Variants in NRXN1 observed in about 807,000 individuals in gnomAD.
NRXN1 encodes neurexin-1.
NRXN1 carries 39 observed loss-of-function variants against 150.9 expected under a neutral mutation model. The observed-to-expected ratio is 0.26, with a 90% CI of 0.20 to 0.34. The LOEUF is 0.34. Ranked by LOEUF, NRXN1 falls within the 10% of genes least tolerant of loss-of-function variation. The pLI, the probability that NRXN1 is intolerant of heterozygous loss-of-function variation, is 1.00. For synonymous variants in NRXN1, 924 were observed against 757.0 expected (o/e 1.22, Z -3.62); for missense variants, 1,815 against 1,949.9 (o/e 0.93, Z 1.30).
chr2:50,079,972 A>G (rs1573789129), intron 19 of NRXN1, among the ~76,000 whole-genome samples: 1 of 152,114 alleles, frequency 6.6e-6, no homozygotes, highest in African/African-American at 2.4e-5. Flanking sequence ...AATTCATGCC[A>G]TTTCAGTAAA....
At chr2:50,249,291 A>G (rs1324043988) in intron 17 of NRXN1, among the ~76,000 whole-genome samples, 1 of 152,130 alleles carries the variant, frequency 6.6e-6, no homozygotes, top group Admixed American at 6.6e-5. Flanking sequence ...ATGAGAGATC[A>G]CTTTTAGATT....
chr2:50,276,386 T>C (rs2070475070), intron 17 of NRXN1, among the ~76,000 whole-genome samples: 1 of 152,110 alleles, frequency 6.6e-6, no homozygotes, highest in African/African-American at 2.4e-5. Flanking sequence ...CATTAAAAGG[T>C]AGAGTTTCTG....
intron 18 of NRXN1, among the ~76,000 whole-genome samples, chr2:50,183,289 T>C (rs1289023146): frequency 1.3e-5 from 2 of 152,024 alleles, no homozygotes; most frequent in Non-Finnish European, 2.9e-5. Flanking sequence ...GAAAGTTAAT[T>C]TCAAAGGTTT....
At chr2:50,963,061 T>A (rs1034952062) in intron 2 of NRXN1, among the ~76,000 whole-genome samples, 1 of 151,650 alleles carries the variant, frequency 6.6e-6, no homozygotes, top group African/African-American at 2.4e-5. Flanking sequence ...TTCCTTCACA[T>A]TAAAAGTACA....
chr2:50,406,606 A>G (rs1236622028), intron 17 of NRXN1, among the ~76,000 whole-genome samples: 2 of 152,098 alleles, frequency 1.3e-5, no homozygotes, highest in Non-Finnish European at 2.9e-5. Flanking sequence ...GTGGAAAGAC[A>G]GAAAAGGAAG....
At chr2:50,649,550 T>G (rs535969829) in intron 5 of NRXN1, among the ~76,000 whole-genome samples, 1 of 151,976 alleles carries the variant, frequency 6.6e-6, no homozygotes, top group Non-Finnish European at 1.5e-5. Flanking sequence ...GTGAGATTGG[T>G]TGGTTTTGCT....
At chr2:50,356,220 A>T (rs1025030949) in intron 17 of NRXN1, among the ~76,000 whole-genome samples, 1 of 152,180 alleles carries the variant, frequency 6.6e-6, no homozygotes, top group African/African-American at 2.4e-5. Context: ...TAATATTACT[A>T]TAGCAAAACT....
intron 5 of NRXN1, among the ~76,000 whole-genome samples, chr2:50,737,285 G>A (rs1470952646): frequency 6.6e-6 from 1 of 152,046 alleles, no homozygotes; most frequent in Non-Finnish European, 1.5e-5. Flanking sequence ...GGCACATAAT[G>A]GCATAAAAGG....
At chr2:50,433,773 G>A (rs530309600) in intron 17 of NRXN1, among the ~76,000 whole-genome samples, 1 of 151,746 alleles carries the variant, frequency 6.6e-6, no homozygotes, top group Admixed American at 6.6e-5. Flanking sequence ...AGGGAGAGGG[G>A]AAAGGAAAGA....
At chr2:49,929,604 C>G (rs373898867) in intron 22 of NRXN1, among the ~76,000 whole-genome samples, 36 of 152,322 alleles carry the variant, frequency 2.4e-4, no homozygotes, top group African/African-American at 7.9e-4. Flanking sequence ...CTGTCCCCAA[C>G]TCCTCACATA....
chr2:50,366,165 T>TG (rs2079568852), intron 17 of NRXN1, among the ~76,000 whole-genome samples: 2 of 151,444 alleles, frequency 1.3e-5, no homozygotes, highest in Non-Finnish European at 2.9e-5. Flanking sequence ...TTTTTTTTTT[T>TG]TTTTACATCC....
chr2:50,566,816 C>T (rs1669947203), intron 8 of NRXN1, among the ~76,000 whole-genome samples: 1 of 152,088 alleles, frequency 6.6e-6, no homozygotes. Context: ...TGCTCCCCAC[C>T]CCATGGGATA....
intron 8 of NRXN1, among the ~76,000 whole-genome samples, chr2:50,590,014 A>T (rs35910309): frequency 1.3e-5 from 2 of 152,174 alleles, no homozygotes; most frequent in Non-Finnish European, 2.9e-5. Context: ...ACAAATGAAT[A>T]GAATGTATTT....
At chr2:50,254,262 C>G (rs925607282) in intron 17 of NRXN1, among the ~76,000 whole-genome samples, 1 of 151,064 alleles carries the variant, frequency 6.6e-6, no homozygotes, top group East Asian at 1.9e-4. Flanking sequence ...GTGATGATAT[C>G]CCCTTTATCA....
At chr2:50,525,508 A>C (rs2092926703) in intron 12 of NRXN1, among the ~76,000 whole-genome samples, 1 of 152,154 alleles carries the variant, frequency 6.6e-6, no homozygotes, top group Non-Finnish European at 1.5e-5. Context: ...TTCTGTGCTC[A>C]CCTTGCAGCC....
intron 2 of NRXN1, among the ~76,000 whole-genome samples, chr2:50,947,905 A>T (rs1326236292): frequency 6.6e-6 from 1 of 152,008 alleles, no homozygotes; most frequent in Non-Finnish European, 1.5e-5. Flanking sequence ...AAGTTTACAT[A>T]AGCCACAAAA....
chr2:50,624,622 A>G (rs1435058869), intron 5 of NRXN1, among the ~76,000 whole-genome samples: 1 of 144,894 alleles, frequency 6.9e-6, no homozygotes, highest in Non-Finnish European at 1.5e-5. Flanking sequence ...TGCATTTTTT[A>G]TCTCTGGATG....
intron 21 of NRXN1, among the ~76,000 whole-genome samples, chr2:50,037,073 G>A (rs1256745263): frequency 6.6e-6 from 1 of 152,150 alleles, no homozygotes; most frequent in Non-Finnish European, 1.5e-5. Context: ...AAGGTTAGCT[G>A]AGAAACATTT....
At chr2:50,123,647 T>A (rs921423529) in intron 18 of NRXN1, among the ~76,000 whole-genome samples, 1 of 152,202 alleles carries the variant, frequency 6.6e-6, no homozygotes, top group South Asian at 2.1e-4. Flanking sequence ...ATTAGCAGAC[T>A]ATTGAAATAC....
Sources: gnomAD v4.1 joint callset for allele counts (sites outside exome capture counted in the v4.1 genomes callset) on GRCh38, gnomAD v4.1.1 for gene constraint, MANE v1.5 for transcripts, NCBI Gene and HGNC (gene_info 2026-07-23, HGNC 2026-07-21) for gene names.